The following NLN variants were observed in gnomAD, a reference collection of about 807,000 sequenced individuals.
NLN encodes the protein neurolysin, mitochondrial.
In NLN, 64 loss-of-function variants were observed where a neutral mutation model predicts 79.9. The observed-to-expected ratio is 0.80, with a 90% CI of 0.65 to 0.99. The LOEUF is 0.99. Among genes scored for constraint, NLN ranks in the 50% least tolerant of loss-of-function variants. The probability of loss-of-function intolerance (pLI) is 0.00; values close to 1 mark genes in which losing one functional copy is unlikely to be tolerated. For synonymous variants in NLN, 267 were observed against 296.6 expected (o/e 0.90, Z 1.02); for missense variants, 835 against 858.7 (o/e 0.97, Z 0.34).
chr5:65,780,311 C>A lies in NLN; in HGVS notation c.661+30C>A, dbSNP rs61280192. The A allele has an allele frequency of 2.2e-3, 2,024 of 903,066 alleles. 37 individuals are homozygous for A. The African/African-American group carries it at 0.032, about 14-fold the overall frequency. 55.9% of individuals were successfully genotyped at this position (903,066 alleles called of 1,614,324 possible). On this transcript the variant is annotated intron_variant, in intron 5 of 12. Coordinates refer to ENST00000380985, the MANE Select transcript of NLN (RefSeq NM_020726.5). ...GTTTTATTATTTTTCTAGATTAAATCATATAATTTAGGCAAATAGTGTTAC... is the reference window on the plus strand; with the variant it reads ...GTTTTATTATTTTTCTAGATTAAATAATATAATTTAGGCAAATAGTGTTAC...
At chr5:65,767,354 G>A (rs1759474139) in intron 3 of NLN, among the ~76,000 whole-genome samples, 1 of 152,196 alleles carries the variant, frequency 6.6e-6, no homozygotes, top group Admixed American at 6.5e-5. Flanking sequence ...CCAAGGCTTG[G>A]GGCTTGCGTC....
At chr5:65,729,696 TG>T (rs757782432) in intron 1 of NLN, among the ~76,000 whole-genome samples, 44 of 152,238 alleles carry the variant, frequency 2.9e-4, no homozygotes, top group Non-Finnish European at 5.4e-4. Flanking sequence ...CTTTCTTTTT[TG>T]TTTGTCCTTT....
At position 65,792,475 on chromosome 5, in the gene NLN, G is replaced by A. The variant is rs199852483; in HGVS notation, c.1347G>A (p.Ala449=). 3.7e-6 allele frequency: 6 copies of A among 1,613,834 alleles called. No individual in the cohort carries two copies. The highest frequency in any genetic ancestry group is 2.2e-5 in the East Asian group (1 of 44,882). The part of the protein sequence containing the change: ...LYPREGKYNH[A]ACFGLQPGCL... The stretch of plus-strand genomic sequence containing the variant: ...CTAGGGAAGGAAAATACAATCATGC[G>A]GCCTGCTTCGGTCTCCAGCCTGGCT... Residue 449 remains alanine (A), a synonymous_variant, in exon 9 of 13, where the codon GCG becomes GCA. Transcript: ENST00000380985.
At chr5:65,787,375 C>T (rs1227225506) in intron 7 of NLN, among the ~76,000 whole-genome samples, 2 of 152,164 alleles carry the variant, frequency 1.3e-5, no homozygotes, top group East Asian at 1.9e-4. Flanking sequence ...TTCCTCACTT[C>T]TCTTCACGGT....
intron 3 of NLN, among the ~76,000 whole-genome samples, chr5:65,765,086 A>G (rs1317339795): frequency 6.6e-6 from 1 of 152,246 alleles, no homozygotes; most frequent in African/African-American, 2.4e-5. Flanking sequence ...TATAGCATAT[A>G]AAGCCTTCAT....
At chr5:65,819,611 G>A (rs1392205982) in intron 12 of NLN, among the ~76,000 whole-genome samples, 1 of 152,208 alleles carries the variant, frequency 6.6e-6, no homozygotes, top group Admixed American at 6.5e-5. Context: ...GAAAGCTCTA[G>A]TTTTTACTGT....
chr5:65,757,046 A>G (rs1759235110), intron 1 of NLN, among the ~76,000 whole-genome samples: 1 of 152,172 alleles, frequency 6.6e-6, no homozygotes, highest in Non-Finnish European at 1.5e-5. Flanking sequence ...CACTCATCTC[A>G]GTGTAGTATA....
At chr5:65,780,364 C>A (rs1157866416) in intron 5 of NLN, 83 bp downstream of exon 5, 7 of 577,076 alleles carry the variant, frequency 1.2e-5, no homozygotes, top group African/African-American at 6.0e-5. Context: ...TTTCCAGATA[C>A]AAAATTTCTA....
At chr5:65,779,109 G>A (rs1315973496) in intron 4 of NLN, among the ~76,000 whole-genome samples, 1 of 152,182 alleles carries the variant, frequency 6.6e-6, no homozygotes, top group Non-Finnish European at 1.5e-5. Flanking sequence ...CCACTGAACA[G>A]TGCGTTAGGT....
intron 3 of NLN, among the ~76,000 whole-genome samples, chr5:65,773,977 A>T (rs1197711926): frequency 1.3e-5 from 2 of 152,098 alleles, no homozygotes; most frequent in African/African-American, 4.8e-5. Flanking sequence ...AATTTTTGTG[A>T]TAAAATTTTA....
At chr5:65,780,365 A>T in intron 5 of NLN, 84 bp downstream of exon 5, 1 of 586,262 alleles carries the variant, frequency 1.7e-6, no homozygotes. Context: ...TTCCAGATAC[A>T]AAATTTCTAA....
chr5:65,749,277 G>A (rs1246068933), intron 1 of NLN, among the ~76,000 whole-genome samples: 1 of 152,210 alleles, frequency 6.6e-6, no homozygotes, highest in Non-Finnish European at 1.5e-5. Flanking sequence ...TTTAGTTGAT[G>A]ACAGCAACAA....
chr5:65,766,679 T>C lies in NLN; in HGVS notation c.450+3571T>C, dbSNP rs540293623. ...AGTCTTAATTCATTCCAGCATTAAC[T>C]CAAAAGTCCAAGTCCAAAGTTTCCT... On this transcript the variant is annotated intron_variant, in intron 3 of 12. Coordinates refer to ENST00000380985, the MANE Select transcript of NLN (RefSeq NM_020726.5). Among the ~76,000 whole-genome samples the C allele has an allele frequency of 2.6e-5, 4 of 152,266 alleles. No homozygotes were observed. In the East Asian group the frequency reaches 7.7e-4, roughly 29 times the overall value.
At chr5:65,734,786 C>G (rs1758691549) in intron 1 of NLN, among the ~76,000 whole-genome samples, 1 of 152,158 alleles carries the variant, frequency 6.6e-6, no homozygotes, top group Non-Finnish European at 1.5e-5. Context: ...TGTATAAGGT[C>G]CATACTGTCA....
intron 1 of NLN, among the ~76,000 whole-genome samples, chr5:65,726,994 T>C (rs1758486864): frequency 6.9e-6 from 1 of 145,954 alleles, no homozygotes; most frequent in African/African-American, 2.6e-5. Context: ...AGCTGCTATA[T>C]CCCCTTCCCA....
At chr5:65,726,470 C>A (rs1416552784) in intron 1 of NLN, among the ~76,000 whole-genome samples, 1 of 152,146 alleles carries the variant, frequency 6.6e-6, no homozygotes, top group East Asian at 1.9e-4. Context: ...GCCATCAGTG[C>A]AAATGTTCAT....
intron 12 of NLN, among the ~76,000 whole-genome samples, chr5:65,815,349 C>G (rs1760647593): frequency 6.6e-6 from 1 of 152,158 alleles, no homozygotes; most frequent in South Asian, 2.1e-4. Context: ...TCCTCTTATT[C>G]TCAGGCTTCA....
intron 9 of NLN, among the ~76,000 whole-genome samples, chr5:65,801,790 C>T (rs905766323): frequency 6.4e-5 from 9 of 140,716 alleles, no homozygotes; most frequent in Non-Finnish European, 1.2e-4. Flanking sequence ...TCAGTTTTTA[C>T]TCTAGCTCAT....
chr5:65,821,606 C>T (rs151039656), intron 12 of NLN, among the ~76,000 whole-genome samples: 335 of 152,206 alleles, frequency 2.2e-3, no homozygotes, highest in African/African-American at 7.1e-3. Flanking sequence ...TACATATGTG[C>T]TTCATATTAT....
Sources: gnomAD v4.1 joint callset for allele counts (sites outside exome capture counted in the v4.1 genomes callset) on GRCh38, gnomAD v4.1.1 for gene constraint, MANE v1.5 for transcripts, NCBI Gene and HGNC (gene_info 2026-07-23, HGNC 2026-07-21) for gene names.